Variants in RMND5B observed in about 807,000 individuals in gnomAD.
RMND5B encodes the protein required for meiotic nuclear division 5 homolog B.
A neutral mutation model predicts 50.4 loss-of-function variants in RMND5B; 42 were observed. The ratio of observed to expected loss-of-function variants is 0.83; its 90% CI spans 0.65 to 1.08. The LOEUF (loss-of-function observed/expected upper bound fraction) is 1.08, where lower values mean the gene tolerates loss of function less well. RMND5B is among the 50% of genes least tolerant of loss of function. The pLI is 0.00. For synonymous variants in RMND5B, 220 were observed against 210.0 expected, an observed-to-expected ratio of 1.05 and a Z score of -0.41; for missense variants, 463 against 508.5, an observed-to-expected ratio of 0.91 and a Z score of 0.86.
intron 2 of RMND5B, among the ~76,000 whole-genome samples, chr5:178,132,886 A>G (rs530790112): frequency 1.9e-5 from 1 of 51,908 alleles, no homozygotes; most frequent in African/African-American, 6.5e-5. Flanking sequence ...TGTTTTTTTG[A>G]GACAGTCTCA....
chr5:178,146,719 AC>A (rs940728307), intron 8 of RMND5B: 2 of 158,448 alleles, frequency 1.3e-5, no homozygotes, highest in Non-Finnish European at 2.8e-5. Context: ...GCTCCCAGCA[AC>A]CCTGGGAGGG....
At chr5:178,134,065 G>A (rs1328122174) in intron 2 of RMND5B, among the ~76,000 whole-genome samples, 1 of 152,210 alleles carries the variant, frequency 6.6e-6, no homozygotes, top group Admixed American at 6.5e-5. Flanking sequence ...CCTAGTCTGG[G>A]CACTGAGGGG....
rs1489498833 is a variant in RMND5B at position 178,142,887 on chromosome 5, T to C, written c.321T>C (p.Asp107=). The C allele has an allele frequency of 3.7e-6, 6 of 1,614,120 alleles. No individual in the cohort carries two copies. The highest frequency in any genetic ancestry group is 5.1e-6 in the Non-Finnish European group (6 of 1,180,042). Residue 107 remains aspartate (D), a synonymous_variant, in exon 5 of 11, where the codon GAT becomes GAC. Coordinates refer to ENST00000313386, the MANE Select transcript of RMND5B (RefSeq NM_022762.5). ...CTGAGATCTGTGGTGTTGTGTCAGA[T>C]GCGGTGTGGGACGCGCGGGAACAGC... The part of the protein sequence containing the change: ...FDSEICGVVS[D]AVWDAREQQQ...
Position 178,142,914 on chromosome 5 carries a change from G to T in RMND5B, c.348G>T (p.Gln116His). The T allele has an allele frequency of 6.2e-7, 1 of 1,614,240 alleles. No homozygotes were observed. The highest frequency in any genetic ancestry group is 8.5e-7 in the Non-Finnish European group (1 of 1,180,044). The change falls in exon 5 of 11, where the codon CAG becomes CAT. Residue 116 changes from glutamine to histidine, a missense_variant. Coordinates refer to ENST00000313386, the MANE Select transcript of RMND5B (RefSeq NM_022762.5). ...SDAVWDAREQ[Q>H]QQILQMAIVE... is the part of the protein sequence containing the mutation. ...CGGTGTGGGACGCGCGGGAACAGCA[G>T]CAGCAGATCCTGCAGATGGCCATCG...
chr5:178,136,095 G>A (rs914846848), intron 2 of RMND5B: 2 of 152,180 alleles, frequency 1.3e-5, no homozygotes, highest in African/African-American at 4.8e-5. Flanking sequence ...TCTGAGGCCA[G>A]AGCCAGACTG....
intron 8 of RMND5B, 155 bp from the exon 9 acceptor site, chr5:178,147,378 A>G: frequency 1.6e-6 from 1 of 622,526 alleles, no homozygotes; most frequent in Non-Finnish European, 2.9e-6. Flanking sequence ...CATATGTGAC[A>G]TCTTATGAAC....
chr5:178,146,828 C>G (rs1756033178), intron 8 of RMND5B: 1 of 156,222 alleles, frequency 6.4e-6, no homozygotes, highest in South Asian at 1.9e-4. Context: ...GCACTTGAAC[C>G]TGACCCCAGA....
intron 4 of RMND5B, 45 bp downstream of exon 4, chr5:178,142,773 A>C (rs1759016343): frequency 6.2e-7 from 1 of 1,614,218 alleles, no homozygotes; most frequent in African/African-American, 1.3e-5. Flanking sequence ...AGCACCCTGA[A>C]GCTGGGATGT....
chr5:178,143,766 C>A, intron 6 of RMND5B, 39 bp downstream of exon 6: 1 of 1,519,008 alleles, frequency 6.6e-7, no homozygotes, highest in Non-Finnish European at 9.1e-7. Context: ...CATTCTGCTT[C>A]GACCTCTCAG....
In RMND5B at chr5:178,138,172, TC is replaced by T. The variant is rs1371084948; in HGVS notation, c.55del (p.Leu19Ter). The part of the protein sequence containing the change: ...ERELDKVLQK[F>X]LTYGQHCERS... Reference sequence around the variant, plus strand: ...GAGCTGGACAAGGTCCTGCAGAAGTTCCTGACCTACGGGCAGCACTGTGAGC... The same window carrying T: ...GAGCTGGACAAGGTCCTGCAGAAGTTCTGACCTACGGGCAGCACTGTGAGC... On this transcript the variant is annotated frameshift_variant, in exon 3 of 11. Transcript: ENST00000313386. LOFTEE classifies it high-confidence loss of function. This position sits in a 1 kb window ranked among gnomAD's most constrained non-coding sequence, Gnocchi z 5.1. The T allele has an allele frequency of 6.2e-7, 1 of 1,613,596 alleles. No individual in the cohort carries two copies. Among genetic ancestry groups the T allele is most frequent in the South Asian group, 1.1e-5 (1 of 90,978 alleles).
intron 2 of RMND5B, among the ~76,000 whole-genome samples, chr5:178,136,456 G>A (rs1301036259): frequency 6.6e-6 from 1 of 152,016 alleles, no homozygotes; most frequent in Non-Finnish European, 1.5e-5. Flanking sequence ...CATAGCTTCT[G>A]GACTCTCTGA....
chr5:178,146,288 C>G lies in RMND5B; in HGVS notation c.860+9C>G. ...TCCCCCCTTAGCGTCAGGTACAACC[C>G]AGCCCTGTGAGGGCAGCACAGGTGG... is the stretch of plus-strand genomic sequence containing the variant. On this transcript the variant is annotated intron_variant, in intron 8 of 10. Transcript: ENST00000313386. 6.2e-7 allele frequency: 1 copy of G among 1,613,002 alleles called. No homozygotes were observed. The highest frequency in any genetic ancestry group is 8.5e-7 in the Non-Finnish European group (1 of 1,179,294).
rs768049350 is a variant in RMND5B at position 178,147,643 on chromosome 5, C to T, written c.963+8C>T. 6.2e-7 allele frequency: 1 copy of T among 1,614,088 alleles called. No individual in the cohort carries two copies. The highest frequency in any genetic ancestry group is 8.5e-7 in the Non-Finnish European group (1 of 1,179,990). On this transcript the variant is annotated splice_region_variant and intron_variant, in intron 9 of 10. Transcript: ENST00000313386. ...CACAAGGACGAGTTACCGGTGAGGCCTGGTCTGGGGAATCGTGGGCAAGAG... is the reference window on the plus strand; with the variant it reads ...CACAAGGACGAGTTACCGGTGAGGCTTGGTCTGGGGAATCGTGGGCAAGAG...
At chr5:178,133,266 G>A (rs182867597) in intron 2 of RMND5B, among the ~76,000 whole-genome samples, 1 of 152,280 alleles carries the variant, frequency 6.6e-6, no homozygotes, top group East Asian at 1.9e-4. Context: ...AAATACTCCA[G>A]GATAAACCTC....
At chr5:178,144,434 C>T (rs959965944) in intron 7 of RMND5B, among the ~76,000 whole-genome samples, 2 of 151,554 alleles carry the variant, frequency 1.3e-5, no homozygotes, top group African/African-American at 4.9e-5. Flanking sequence ...CCTGTGTGGC[C>T]TATGGAAAAG....
intron 2 of RMND5B, among the ~76,000 whole-genome samples, chr5:178,136,469 A>G (rs1157009545): frequency 3.3e-5 from 5 of 152,106 alleles, no homozygotes; most frequent in Non-Finnish European, 4.4e-5. Flanking sequence ...CTCTCTGACT[A>G]TAGATTCCAG....
At chr5:178,145,889 G>C (rs1755974951) in intron 7 of RMND5B, 1 of 523,510 alleles carries the variant, frequency 1.9e-6, no homozygotes, top group Non-Finnish European at 3.4e-6. Flanking sequence ...TTCTGTGTTA[G>C]TAATGCCTGT....
chr5:178,143,483 A>G (rs1423301999), intron 5 of RMND5B, 144 bp from the exon 6 acceptor site: 12 of 667,032 alleles, frequency 1.8e-5, no homozygotes, highest in African/African-American at 3.6e-5. Context: ...GAGAGGCCCA[A>G]GTGGCTGGCA....
chr5:178,146,255 C>T lies in RMND5B; in HGVS notation c.836C>T (p.Ser279Phe), dbSNP rs1436449404. The T allele has an allele frequency of 1.9e-6, 3 of 1,614,144 alleles. No homozygotes were observed. The South Asian group carries it at 3.3e-5, about 18-fold the overall frequency. Residue 279 changes from serine (S) to phenylalanine (F), a missense_variant, in exon 8 of 11, where the codon TCT becomes TTT. Physicochemically the swap from Ser to Phe is radical, Grantham distance 155. Transcript: ENST00000313386. ...GACGCCTGTTCCCTGCTGGGGCTTT[C>T]TGTGGAGTCCCCCCTTAGCGTCAGG... is the stretch of plus-strand genomic sequence containing the variant. ...TRDACSLLGL[S>F]VESPLSVSFA... is the part of the protein sequence containing the mutation.
Sources: allele counts gnomAD v4.1 joint callset (sites outside exome capture counted in the v4.1 genomes callset), GRCh38; gene constraint gnomAD v4.1.1; non-coding constraint Gnocchi (gnomAD v3.1); transcripts MANE v1.5; gene names NCBI Gene and HGNC (gene_info 2026-07-23, HGNC 2026-07-21).